The following LZTFL1 variants were observed in gnomAD, a reference collection of about 807,000 sequenced individuals.
LZTFL1 encodes the protein leucine zipper transcription factor like 1.
LZTFL1 carries 25 observed loss-of-function variants against 45.9 expected under a neutral mutation model. The observed-to-expected ratio is 0.54, with a 90% CI of 0.40 to 0.76. The LOEUF (loss-of-function observed/expected upper bound fraction) is 0.76, where lower values mean the gene tolerates loss of function less well. Among genes scored for constraint, LZTFL1 ranks in the 30% least tolerant of loss-of-function variants. LZTFL1 has a pLI of 0.00. For synonymous variants in LZTFL1, 93 were observed against 117.4 expected (o/e 0.79, Z 1.35); for missense variants, 277 against 331.1 (o/e 0.84, Z 1.27).
chr3:45,856,124 G>T (rs1559410785), intron 3 of LZTFL1, among the ~76,000 whole-genome samples: 1 of 152,096 alleles, frequency 6.6e-6, no homozygotes, highest in Admixed American at 6.5e-5. Context: ...AAAGCTGGAG[G>T]CTTTCAAACT....
At chr3:45,897,334 G>C (rs1047487200) in intron 2 of LZTFL1, among the ~76,000 whole-genome samples, 4 of 152,070 alleles carry the variant, frequency 2.6e-5, no homozygotes, top group African/African-American at 9.7e-5. Context: ...AATATGCCTG[G>C]GGAGTCCCTA....
At chr3:45,840,616 C>T (rs537852522) in intron 1 of LZTFL1, among the ~76,000 whole-genome samples, 2 of 152,200 alleles carry the variant, frequency 1.3e-5, no homozygotes, top group East Asian at 1.9e-4. Context: ...AGAAATATTC[C>T]GTTAAAATAA....
intron 4 of LZTFL1, among the ~76,000 whole-genome samples, chr3:45,849,231 G>T (rs116523073): frequency 0.029 from 4,411 of 152,218 alleles, 209 homozygotes; most frequent in African/African-American, 0.099. Context: ...AAAGCTTTGA[G>T]GAAAATCCCT....
Position 45,901,033 on chromosome 3 carries a change from T to C in LZTFL1, c.-215+12087A>G. 1 of 1,614,230 alleles carries C rather than the reference T, an allele frequency of 6.2e-7. No homozygotes were observed. Among genetic ancestry groups the C allele is most frequent in the Non-Finnish European group, 8.5e-7 (1 of 1,180,040 alleles). On this transcript the variant is annotated intron_variant, in intron 2 of 4. Coordinates refer to the LZTFL1 transcript ENST00000472635. The surrounding 1 kb of genome is among the most constrained non-coding windows in gnomAD (Gnocchi z 4.3). ...TGGTACTGCACAAGAGTGAAGACCA[T>C]GACCGACATGTTCCTTTTGAATTTG...
chr3:45,858,055 C>G (rs1701422282), intron 3 of LZTFL1, among the ~76,000 whole-genome samples: 1 of 152,118 alleles, frequency 6.6e-6, no homozygotes, highest in East Asian at 1.9e-4. Flanking sequence ...TGTATTAAAT[C>G]AATTTACCAT....
chr3:45,855,669 C>T (rs1049320913), intron 3 of LZTFL1, among the ~76,000 whole-genome samples: 1 of 152,116 alleles, frequency 6.6e-6, no homozygotes, highest in African/African-American at 2.4e-5. Context: ...AGTCTCATCC[C>T]AAAGGCTTCT....
intron 7 of LZTFL1, 151 bp from the exon 8 acceptor site, chr3:45,828,766 C>T (rs775645804): frequency 2.4e-5 from 16 of 672,540 alleles, no homozygotes; most frequent in Non-Finnish European, 4.0e-5. Flanking sequence ...TAAGTGCCAG[C>T]CCCTTCAGAG....
chr3:45,913,087 C>T, intron 2 of LZTFL1: 1 of 1,531,312 alleles, frequency 6.5e-7, no homozygotes, highest in South Asian at 1.2e-5. Context: ...AACGCAGTAG[C>T]AGTAATATGT....
At chr3:45,899,623 G>C (rs1177414632) in intron 2 of LZTFL1, among the ~76,000 whole-genome samples, 2 of 152,184 alleles carry the variant, frequency 1.3e-5, no homozygotes, top group African/African-American at 4.8e-5. Flanking sequence ...GGGAGTGAGA[G>C]CTGGTAGTCC....
At chr3:45,856,769 A>G (rs192923318) in intron 3 of LZTFL1, among the ~76,000 whole-genome samples, 5 of 152,374 alleles carry the variant, frequency 3.3e-5, no homozygotes, top group Admixed American at 6.5e-5. Context: ...AAACATGAAA[A>G]AAACTCAACA....
At position 45,832,037 on chromosome 3, in the gene LZTFL1, C is replaced by T. The variant is rs556412662; in HGVS notation, c.457-899G>A. Among the ~76,000 whole-genome samples the T allele has an allele frequency of 2.6e-5, 4 of 152,216 alleles. No homozygotes were observed. In the South Asian group the frequency reaches 8.3e-4, roughly 32 times the overall value. The stretch of plus-strand genomic sequence containing the variant: ...TATCACAAGATCAGGAGATCAAGAC[C>T]AACCTGGCTAACATGGTGAAACCCC... On this transcript the variant is annotated intron_variant, in intron 5 of 9. Transcript: ENST00000296135.
At chr3:45,894,160 T>G (rs1559423492) in intron 2 of LZTFL1, among the ~76,000 whole-genome samples, 1 of 152,126 alleles carries the variant, frequency 6.6e-6, no homozygotes, top group African/African-American at 2.4e-5. Flanking sequence ...TTAAAGAAAT[T>G]CAAAACACAT....
chr3:45,890,324 A>ACATAAATATATATTTAT (rs572867024), intron 2 of LZTFL1, among the ~76,000 whole-genome samples: 1 of 83,094 alleles, frequency 1.2e-5, no homozygotes, highest in African/African-American at 6.1e-5. Context: ...TATTTATATA[A>ACATAAATATATATTTAT]ATATATATAT....
At chr3:45,865,674 G>A (rs780904000) in intron 2 of LZTFL1, among the ~76,000 whole-genome samples, 15 of 152,216 alleles carry the variant, frequency 9.9e-5, no homozygotes, top group Admixed American at 2.0e-4. Flanking sequence ...GAGAGGGAAC[G>A]ATGAATTCAT....
exon 4 of LZTFL1, chr3:45,855,031 A>G: frequency 6.5e-7 from 1 of 1,535,392 alleles, no homozygotes; most frequent in Non-Finnish European, 8.7e-7. Context: ...AAAAGTCACC[A>G]AAGGGTGGGT....
intron 2 of LZTFL1, among the ~76,000 whole-genome samples, chr3:45,890,277 T>TATATTTATATATATATAAC (rs1702114711): frequency 5.8e-5 from 4 of 69,374 alleles, no homozygotes; most frequent in African/African-American, 2.1e-4. Flanking sequence ...ATAACATATA[T>TATATTTATATATATATAAC]ATATATTTAT....
intron 5 of LZTFL1, 149 bp from the exon 6 acceptor site, chr3:45,831,287 T>TTGG (rs1378578311): frequency 3.7e-6 from 2 of 543,822 alleles, no homozygotes; most frequent in African/African-American, 3.8e-5. Context: ...ATATCCCAAT[T>TTGG]TCATCCAGCC....
At chr3:45,882,761 CAGG>C (rs1241151143) in intron 2 of LZTFL1, among the ~76,000 whole-genome samples, 2 of 151,472 alleles carry the variant, frequency 1.3e-5, no homozygotes, top group Non-Finnish European at 2.9e-5. Context: ...CTTCAGTTGC[CAGG>C]TACAGCACTT....
At chr3:45,882,164 A>G (rs1701872754) in intron 2 of LZTFL1, among the ~76,000 whole-genome samples, 1 of 152,230 alleles carries the variant, frequency 6.6e-6, no homozygotes, top group Admixed American at 6.5e-5. Context: ...AAGATGTTTA[A>G]TATTCTCCTA....
Sources: allele counts gnomAD v4.1 joint callset (sites outside exome capture counted in the v4.1 genomes callset), GRCh38; gene constraint gnomAD v4.1.1; non-coding constraint Gnocchi (gnomAD v3.1); transcripts MANE v1.5; gene names NCBI Gene and HGNC (gene_info 2026-07-23, HGNC 2026-07-21).